Variants in RPA1 observed in about 807,000 individuals in gnomAD.
RPA1 encodes the protein replication protein A1.
RPA1 carries 49 observed loss-of-function variants against 83.0 expected under a neutral mutation model. The observed-to-expected ratio is 0.59, with a 90% CI of 0.47 to 0.75. RPA1 has a LOEUF of 0.75. RPA1 is among the 30% of genes least tolerant of loss of function. The pLI is 0.00. For synonymous variants in RPA1, 279 were observed against 281.8 expected, an observed-to-expected ratio of 0.99 and a Z score of 0.10; for missense variants, 693 against 776.1, an observed-to-expected ratio of 0.89 and a Z score of 1.27.
chr17:1,891,478 G>A (rs1245126284), intron 14 of RPA1, among the ~76,000 whole-genome samples: 2 of 101,662 alleles, frequency 2.0e-5, no homozygotes, highest in African/African-American at 5.3e-5. Context: ...GGAGTGCAGT[G>A]GCTCGATCTC....
chr17:1,842,105 C>G (rs988311263), intron 1 of RPA1, among the ~76,000 whole-genome samples: 1 of 152,136 alleles, frequency 6.6e-6, no homozygotes, highest in Non-Finnish European at 1.5e-5. Flanking sequence ...AGTCCTCCCA[C>G]CTCGGCCTCC....
At chr17:1,859,612 G>A (rs1912861271) in intron 5 of RPA1, among the ~76,000 whole-genome samples, 1 of 151,862 alleles carries the variant, frequency 6.6e-6, no homozygotes, top group Non-Finnish European at 1.5e-5. Context: ...TAGCCACTTT[G>A]GCGTTTTTTT....
intron 1 of RPA1, among the ~76,000 whole-genome samples, chr17:1,836,588 T>A (rs893425835): frequency 6.6e-6 from 1 of 152,124 alleles, no homozygotes; most frequent in Admixed American, 6.6e-5. Flanking sequence ...CCTTTGTAGG[T>A]TAGTTTTGCC....
chr17:1,898,388 T>C lies in RPA1; in HGVS notation c.*1213T>C, dbSNP rs1379361110. On this transcript the variant is annotated 3_prime_UTR_variant, in exon 17 of 17. Transcript: ENST00000254719. ...CAGTGAGCTGGTAAGAAAACAGTAA[T>C]TATGCTAGTGGGCCTTTCAGTCAGC... 3 of 152,266 alleles carry C rather than the reference T, an allele frequency of 2.0e-5. No homozygotes were observed. The highest frequency in any genetic ancestry group is 2.0e-4 in the Admixed American group (3 of 15,288). The allele number at this position is 152,266 out of a possible 1,614,324, so 9.4% of individuals were successfully genotyped here.
At position 1,861,378 on chromosome 17, in the gene RPA1, A is replaced by T. The variant is rs558497520; in HGVS notation, c.361+8189A>T. Among the ~76,000 whole-genome samples the T allele has an allele frequency of 1.6e-4, 25 of 152,154 alleles. No individual in the cohort carries two copies. In the South Asian group the frequency reaches 4.8e-3, roughly 29 times the overall value. ...ACAGCAGGCGCTACCCCTCATTGAA[A>T]ACCATGCGTCTCACGTATTTTCTCC... On this transcript the variant is annotated intron_variant, in intron 5 of 16. Coordinates refer to ENST00000254719, the MANE Select transcript of RPA1 (RefSeq NM_002945.5).
chr17:1,855,792 T>C (rs1281064627), intron 5 of RPA1, among the ~76,000 whole-genome samples: 2 of 151,634 alleles, frequency 1.3e-5, no homozygotes, highest in Non-Finnish European at 2.9e-5. Flanking sequence ...TTCAGTTGAA[T>C]TCACCAGTGA....
At chr17:1,833,650 T>C (rs1192648635) in intron 1 of RPA1, among the ~76,000 whole-genome samples, 2 of 150,056 alleles carry the variant, frequency 1.3e-5, no homozygotes, top group East Asian at 3.9e-4. Flanking sequence ...AGATTGGGAG[T>C]TTGAGACCAG....
intron 1 of RPA1, among the ~76,000 whole-genome samples, chr17:1,831,404 C>T: frequency 6.6e-6 from 1 of 152,136 alleles, no homozygotes; most frequent in East Asian, 1.9e-4. Flanking sequence ...ATCAAGCCCA[C>T]TGGCTTCTCT....
chr17:1,830,009 G>T lies in RPA1; in HGVS notation c.-85G>T. ...CGGGAGCGGTGCGCGCAACTTCTCG[G>T]GCCAATAACTGCGCAGCGCGCGGGA... On this transcript the variant is annotated 5_prime_UTR_variant, in exon 1 of 17. Transcript: ENST00000254719. The T allele has an allele frequency of 8.2e-7, 1 of 1,218,588 alleles. No individual in the cohort carries two copies. The allele number at this position is 1,218,588 out of a possible 1,614,324, so 75.5% of individuals were successfully genotyped here. A position where few individuals can be genotyped will look rare whatever the true frequency, so the allele number is the denominator to read the frequency against.
intron 1 of RPA1, among the ~76,000 whole-genome samples, chr17:1,842,117 A>G (rs1396114445): frequency 1.3e-5 from 2 of 152,064 alleles, no homozygotes; most frequent in Non-Finnish European, 2.9e-5. Flanking sequence ...TCGGCCTCCC[A>G]AAGTGCTAGG....
At position 1,852,405 on chromosome 17, in the gene RPA1, TAA is replaced by T. The variant is rs1204156996; in HGVS notation, c.273-691_273-690del. Among the ~76,000 whole-genome samples the T allele has an allele frequency of 2.0e-5, 3 of 152,234 alleles. No individual in the cohort carries two copies. In the East Asian group the frequency reaches 5.8e-4, roughly 29 times the overall value. Reference sequence around the variant, plus strand: ...TTGAAGTGATGTTTGAGACGAGAGCTAAAAAATGAGTATTAGATGAGGCAAAA... The same window carrying T: ...TTGAAGTGATGTTTGAGACGAGAGCTAAAATGAGTATTAGATGAGGCAAAA... On this transcript the variant is annotated intron_variant, in intron 4 of 16. Coordinates refer to ENST00000254719, the MANE Select transcript of RPA1 (RefSeq NM_002945.5).
Position 1,864,629 on chromosome 17 carries a change from G to A in RPA1, c.362-7805G>A, listed in dbSNP as rs111550908. On this transcript the variant is annotated intron_variant, in intron 5 of 16. Transcript: ENST00000254719. ...ACTATTAGTAGGGTTTTCACTTAAG[G>A]GTAAGTGGAATTGAACCCAGTAATT... Among the ~76,000 whole-genome samples the A allele has an allele frequency of 1.3e-4, 20 of 151,652 alleles. 1 individual carries two copies. The highest frequency in any genetic ancestry group is 4.6e-4 in the Admixed American group (7 of 15,184).
At chr17:1,886,824 G>A (rs184013090) in intron 13 of RPA1, among the ~76,000 whole-genome samples, 33 of 149,104 alleles carry the variant, frequency 2.2e-4, no homozygotes, top group Admixed American at 1.9e-3. Flanking sequence ...GCACACCACC[G>A]TGCCCTGACA....
Position 1,830,119 on chromosome 17 carries a change from C to T in RPA1, c.26C>T (p.Ala9Val), listed in dbSNP as rs965554082. MVGQLSEG[A>V]IAAIMQKGDT... ...ATGGTCGGCCAACTGAGCGAGGGGG[C>T]CATTGCGGTGAGGAGGTGCCGGGGG... The change falls in exon 1 of 17, where the codon GCC (alanine) becomes GTC (valine). Residue 9 changes from alanine to valine, a missense_variant. Coordinates refer to ENST00000254719, the MANE Select transcript of RPA1 (RefSeq NM_002945.5). 1 of 1,248,306 alleles carries T rather than the reference C, an allele frequency of 8.0e-7. No homozygotes were observed. 77.3% of individuals were successfully genotyped at this position (1,248,306 alleles called of 1,614,324 possible).
intron 5 of RPA1, among the ~76,000 whole-genome samples, chr17:1,870,836 TAGAAG>T (rs1913351449): frequency 6.6e-6 from 1 of 152,240 alleles, no homozygotes; most frequent in Non-Finnish European, 1.5e-5. Flanking sequence ...TTGGAGATGA[TAGAAG>T]AGAGGGAGGA....
In RPA1 at chr17:1,884,080, G is replaced by T; in HGVS notation, c.1374+136G>T. On this transcript the variant is annotated intron_variant, in intron 13 of 16. Coordinates refer to ENST00000254719, the MANE Select transcript of RPA1 (RefSeq NM_002945.5). The surrounding 1 kb of genome is among the most constrained non-coding windows in gnomAD (Gnocchi z 4.1). ...GCTGTGACCTGAGCGTGGCATGGGG[G>T]TTGAGAATCACTGGCAGAGGGAAGC... 2 of 1,213,876 alleles carry T rather than the reference G, an allele frequency of 1.6e-6. No individual in the cohort carries two copies. Among genetic ancestry groups the T allele is most frequent in the African/African-American group, 1.5e-5 (1 of 66,436 alleles). The allele number at this position is 1,213,876 out of a possible 1,614,324, so 75.2% of individuals were successfully genotyped here. A position where few individuals can be genotyped will look rare whatever the true frequency, so the allele number is the denominator to read the frequency against.
At chr17:1,845,130 G>A (rs1230227033) in intron 4 of RPA1, among the ~76,000 whole-genome samples, 1 of 150,610 alleles carries the variant, frequency 6.6e-6, no homozygotes, top group Non-Finnish European at 1.5e-5. Context: ...TTATTTTACA[G>A]CAGAAAATGA....
intron 5 of RPA1, among the ~76,000 whole-genome samples, chr17:1,868,840 G>A (rs1913280351): frequency 6.6e-6 from 1 of 152,228 alleles, no homozygotes; most frequent in South Asian, 2.1e-4. Flanking sequence ...TGAATTAGAT[G>A]ATTTTAAAGT....
rs1375981939 is a variant in RPA1 at position 1,897,226 on chromosome 17, G to T, written c.*51G>T. 1 of 1,350,004 alleles carries T rather than the reference G, an allele frequency of 7.4e-7. No homozygotes were observed. The highest frequency in any genetic ancestry group is 1.0e-6 in the Non-Finnish European group (1 of 976,574). The allele number at this position is 1,350,004 out of a possible 1,614,324, so 83.6% of individuals were successfully genotyped here. The stretch of plus-strand genomic sequence containing the variant: ...GTTTGCAAATAGGCAGAATGGAATC[G>T]ATTTCCTCCCACCTCCGTGTGACGA... On this transcript the variant is annotated 3_prime_UTR_variant, in exon 17 of 17. Coordinates refer to ENST00000254719, the MANE Select transcript of RPA1 (RefSeq NM_002945.5).
Sources: gnomAD v4.1 joint callset for allele counts (sites outside exome capture counted in the v4.1 genomes callset) on GRCh38, gnomAD v4.1.1 for gene constraint, Gnocchi (gnomAD v3.1) non-coding constraint, MANE v1.5 for transcripts, NCBI Gene and HGNC (gene_info 2026-07-23, HGNC 2026-07-21) for gene names.